The following OSTN variants were observed in gnomAD, a reference collection of about 807,000 sequenced individuals.
The protein encoded by OSTN is osteocrin.
Under a neutral mutation model 12.0 loss-of-function variants are expected in OSTN, and 9 were observed. The ratio of observed to expected loss-of-function variants is 0.75; its 90% CI spans 0.45 to 1.30. The LOEUF (loss-of-function observed/expected upper bound fraction) is 1.30, where lower values mean the gene tolerates loss of function less well. Among genes scored for constraint, OSTN ranks in the 50% most tolerant of loss-of-function variants. The pLI, the probability that OSTN is intolerant of heterozygous loss-of-function variation, is 0.00. For missense variants in OSTN, 148 were observed against 152.3 expected (o/e 0.97, Z 0.15); for synonymous variants, 59 against 56.9 (o/e 1.04, Z -0.16).
chr3:191,229,096 G>A (rs1384761487), intron 3 of OSTN, among the ~76,000 whole-genome samples: 2 of 152,150 alleles, frequency 1.3e-5, no homozygotes, highest in Admixed American at 1.3e-4. Flanking sequence ...GACACTACAG[G>A]GATGCAAATA....
rs759726596 is a variant in OSTN, at chr3:191,218,815, C to A, written c.171C>A (p.Asp57Glu). 2 of 1,614,012 alleles carry A rather than the reference C, an allele frequency of 1.2e-6. No homozygotes were observed. The highest frequency in any genetic ancestry group is 1.7e-6 in the Non-Finnish European group (2 of 1,179,996). ...PTVREEKSAT[D>E]LTAKLLLLDE... is the part of the protein sequence containing the mutation. ...TCAGGGAAGAGAAATCAGCCACTGA[C>A]CTGACAGCAAAACTCTTGCTTCTTG... The change falls in exon 3 of 5, where the codon GAC becomes GAA. Residue 57 changes from aspartate (D) to glutamate (E), a missense_variant. Physicochemically the swap from Asp to Glu is conservative, Grantham distance 45. Transcript: ENST00000682035.
At chr3:191,261,204 G>A (rs1715801786) in intron 4 of OSTN, among the ~76,000 whole-genome samples, 1 of 152,156 alleles carries the variant, frequency 6.6e-6, no homozygotes, top group Non-Finnish European at 1.5e-5. Context: ...CTGAAGGTTT[G>A]CCGAAAATCA....
At position 191,206,823 on chromosome 3, in the gene OSTN, T is replaced by C. The variant is rs76789221; in HGVS notation, c.1-5710T>C. Among the ~76,000 whole-genome samples, 1,130 of 152,370 alleles carry C rather than the reference T, an allele frequency of 7.4e-3. 10 individuals are homozygous for C. Among genetic ancestry groups the C allele is most frequent in the Non-Finnish European group, 0.013 (859 of 68,036 alleles). ...GTTAAGCACTGTCCCTTTTAGGCCT[T>C]TTTCTAAGATAAAAAATTATTGTCA... On this transcript the variant is annotated intron_variant, in intron 1 of 4. Transcript: ENST00000682035.
intron 1 of OSTN, among the ~76,000 whole-genome samples, chr3:191,212,051 A>G (rs2108590663): frequency 6.6e-6 from 1 of 152,298 alleles, no homozygotes; most frequent in East Asian, 1.9e-4. Flanking sequence ...TGACACAAGG[A>G]CATAAAGAAA....
chr3:191,201,565 T>G (rs780787515), intron 1 of OSTN, among the ~76,000 whole-genome samples: 1 of 152,184 alleles, frequency 6.6e-6, no homozygotes, highest in Non-Finnish European at 1.5e-5. Flanking sequence ...AGCTTTCTTT[T>G]GTTTCTTTCC....
At chr3:191,250,335 T>A (rs1261858172) in intron 4 of OSTN, among the ~76,000 whole-genome samples, 1 of 152,190 alleles carries the variant, frequency 6.6e-6, no homozygotes, top group African/African-American at 2.4e-5. Flanking sequence ...CAAAAGAATG[T>A]CCTAGTTCTG....
chr3:191,241,162 C>G (rs16866355), intron 3 of OSTN, among the ~76,000 whole-genome samples: 2,041 of 97,398 alleles, frequency 0.021, 68 homozygotes, highest in African/African-American at 0.063. Context: ...AGCTCTGTGC[C>G]TTGACTTTTT....
At chr3:191,201,571 T>C (rs1714153827) in intron 1 of OSTN, among the ~76,000 whole-genome samples, 2 of 152,180 alleles carry the variant, frequency 1.3e-5, no homozygotes, top group Admixed American at 6.5e-5. Flanking sequence ...CTTTTGTTTC[T>C]TTCCCAGGAT....
chr3:191,214,546 G>A (rs1714556833), intron 2 of OSTN, among the ~76,000 whole-genome samples: 1 of 151,870 alleles, frequency 6.6e-6, no homozygotes, highest in South Asian at 2.1e-4. Flanking sequence ...GAGACTTAGG[G>A]CACATATGAC....
intron 3 of OSTN, among the ~76,000 whole-genome samples, chr3:191,235,891 T>TC (rs149551153): frequency 0.029 from 4,341 of 152,314 alleles, 214 homozygotes; most frequent in East Asian, 0.23. Context: ...AAGCCAATTC[T>TC]CACAGCTTCT....
At chr3:191,256,625 TCC>T (rs1715676582) in intron 4 of OSTN, among the ~76,000 whole-genome samples, 1 of 142,490 alleles carries the variant, frequency 7.0e-6, no homozygotes, top group African/African-American at 2.8e-5. Context: ...CCCTCTCTCC[TCC>T]TTTTTTTTTT....
intron 3 of OSTN, among the ~76,000 whole-genome samples, chr3:191,246,735 G>A (rs1715442498): frequency 6.9e-6 from 1 of 144,772 alleles, no homozygotes; most frequent in East Asian, 2.1e-4. Context: ...AGAAGAAGGA[G>A]GAGGAAGAGG....
intron 3 of OSTN, among the ~76,000 whole-genome samples, chr3:191,232,977 C>T (rs538821785): frequency 1.2e-4 from 18 of 152,078 alleles, no homozygotes; most frequent in Non-Finnish European, 2.1e-4. Context: ...CCCATCTACA[C>T]GTATAGGCCC....
chr3:191,251,896 C>T (rs765025056), intron 4 of OSTN, among the ~76,000 whole-genome samples: 37 of 152,184 alleles, frequency 2.4e-4, no homozygotes, highest in Non-Finnish European at 4.4e-5. Flanking sequence ...CCTCCAGTTT[C>T]TTGATGTTCT....
At chr3:191,228,891 C>A (rs1714979614) in intron 3 of OSTN, 1 of 151,986 alleles carries the variant, frequency 6.6e-6, no homozygotes, top group African/African-American at 2.4e-5. Flanking sequence ...TTTTGCAAAC[C>A]CTAATGAAAT....
intron 1 of OSTN, among the ~76,000 whole-genome samples, chr3:191,199,923 T>C (rs567799972): frequency 5.9e-5 from 9 of 152,274 alleles, no homozygotes; most frequent in South Asian, 2.1e-4. Context: ...ATCTGAAACA[T>C]ACATTTGAGC....
intron 3 of OSTN, among the ~76,000 whole-genome samples, chr3:191,230,738 G>A (rs1289804382): frequency 2.6e-5 from 4 of 152,134 alleles, no homozygotes; most frequent in Admixed American, 1.3e-4. Context: ...CCTCTGGAAC[G>A]TGCAGTGCAG....
chr3:191,207,009 G>A (rs1161487839), intron 1 of OSTN, among the ~76,000 whole-genome samples: 1 of 152,174 alleles, frequency 6.6e-6, no homozygotes, highest in East Asian at 1.9e-4. Flanking sequence ...TTTAGGCGGT[G>A]TTGTCGGCAG....
At chr3:191,232,650 G>T (rs1255383841) in intron 3 of OSTN, among the ~76,000 whole-genome samples, 6 of 150,220 alleles carry the variant, frequency 4.0e-5, no homozygotes, top group Non-Finnish European at 8.9e-5. Context: ...GCCCAGGCTG[G>T]AGTGCAATGG....
Sources: allele counts gnomAD v4.1 joint callset (sites outside exome capture counted in the v4.1 genomes callset), GRCh38; gene constraint gnomAD v4.1.1; transcripts MANE v1.5; gene names NCBI Gene and HGNC (gene_info 2026-07-23, HGNC 2026-07-21).